Variants in DNAJC3 observed in about 807,000 individuals in gnomAD.
DNAJC3 encodes the protein dnaJ homolog subfamily C member 3.
Under a neutral mutation model 68.6 loss-of-function variants are expected in DNAJC3, and 38 were observed. The observed-to-expected ratio is 0.55, with a 90% CI of 0.43 to 0.73. The LOEUF (loss-of-function observed/expected upper bound fraction) is 0.73, where lower values mean the gene tolerates loss of function less well. Among genes scored for constraint, DNAJC3 ranks in the 30% least tolerant of loss-of-function variants. The pLI, the probability that DNAJC3 is intolerant of heterozygous loss-of-function variation, is 0.00. For synonymous variants in DNAJC3, 203 were observed against 204.0 expected, an observed-to-expected ratio of 1.00 and a Z score of 0.04; for missense variants, 526 against 591.9, an observed-to-expected ratio of 0.89 and a Z score of 1.16.
chr13:95,691,139 G>T (rs1880240639), intron 1 of DNAJC3, among the ~76,000 whole-genome samples: 1 of 150,052 alleles, frequency 6.7e-6, no homozygotes, highest in Non-Finnish European at 1.5e-5. Flanking sequence ...TGGCCGGGCA[G>T]GGGGCTGACC....
At position 95,787,162 on chromosome 13, in the gene DNAJC3, T is replaced by G. The variant is rs925281679; in HGVS notation, c.1357+7T>G. 1.2e-6 allele frequency: 2 copies of G among 1,607,830 alleles called. No homozygotes were observed. The highest frequency in any genetic ancestry group is 3.4e-5 in the Admixed American group (2 of 58,370). On this transcript the variant is annotated splice_region_variant and intron_variant, in intron 11 of 11. Transcript: ENST00000602402. ...GAAGTCCTCTCTGATCCAGGTATTA[T>G]TAGCTTTTATTCCTTTGACTCATCC...
intron 2 of DNAJC3, among the ~76,000 whole-genome samples, chr13:95,714,982 A>G (rs1881091412): frequency 1.3e-5 from 2 of 152,190 alleles, no homozygotes; most frequent in African/African-American, 2.4e-5. Context: ...CAAAATTCCC[A>G]GTAAAATGTT....
chr13:95,736,137 T>A (rs1008773335), intron 4 of DNAJC3, among the ~76,000 whole-genome samples: 2 of 152,142 alleles, frequency 1.3e-5, no homozygotes, highest in African/African-American at 4.8e-5. Context: ...GTTGTAGATA[T>A]GCGGCGTTAT....
intron 9 of DNAJC3, 65 bp from the exon 10 acceptor site, chr13:95,785,873 CA>C (rs916935154): frequency 1.4e-6 from 2 of 1,433,176 alleles, no homozygotes; most frequent in Non-Finnish European, 1.9e-6. Flanking sequence ...ATCAATTTTA[CA>C]GGATAAGAAA....
intron 2 of DNAJC3, among the ~76,000 whole-genome samples, chr13:95,711,626 T>G (rs1037635037): frequency 6.6e-6 from 1 of 152,098 alleles, no homozygotes; most frequent in Admixed American, 6.6e-5. Flanking sequence ...GAGAAAGCCA[T>G]TCCACGCAAA....
intron 1 of DNAJC3, among the ~76,000 whole-genome samples, chr13:95,701,221 G>A (rs989037315): frequency 6.6e-6 from 1 of 152,118 alleles, no homozygotes; most frequent in Non-Finnish European, 1.5e-5. Flanking sequence ...CTTAGGTCAC[G>A]CTACCCCAAA....
intron 1 of DNAJC3, among the ~76,000 whole-genome samples, chr13:95,682,470 C>T (rs1362604795): frequency 1.3e-5 from 2 of 152,160 alleles, no homozygotes; most frequent in East Asian, 3.9e-4. Flanking sequence ...CTTTAACCCC[C>T]CACCTTTAAG....
intron 4 of DNAJC3, among the ~76,000 whole-genome samples, chr13:95,738,024 C>G (rs1209484631): frequency 7.3e-6 from 1 of 137,784 alleles, no homozygotes; most frequent in Non-Finnish European, 1.6e-5. Context: ...TATGTTGTGT[C>G]TTTGTTCTCG....
intron 4 of DNAJC3, among the ~76,000 whole-genome samples, chr13:95,731,233 T>A (rs1415655418): frequency 1.3e-5 from 2 of 152,214 alleles, no homozygotes; most frequent in African/African-American, 4.8e-5. Context: ...GATCATGTCA[T>A]CTGCAAAGTG....
Position 95,792,283 on chromosome 13 carries a change from T to C in DNAJC3, c.*1253T>C, listed in dbSNP as rs905076046. On this transcript the variant is annotated 3_prime_UTR_variant, in exon 12 of 12. Coordinates refer to ENST00000602402, the MANE Select transcript of DNAJC3 (RefSeq NM_006260.5). ...TCAGTCTTTGTATACTGAATGCTTT[T>C]TCCCTAAAAAATGTTAATCAAGAAT... The C allele has an allele frequency of 6.6e-6, 1 of 152,264 alleles. No homozygotes were observed. The highest frequency in any genetic ancestry group is 1.5e-5 in the Non-Finnish European group (1 of 68,048). 9.4% of individuals were successfully genotyped at this position (152,264 alleles called of 1,614,324 possible).
At chr13:95,779,423 C>T (rs1012872929) in intron 9 of DNAJC3, among the ~76,000 whole-genome samples, 2 of 152,220 alleles carry the variant, frequency 1.3e-5, no homozygotes, top group East Asian at 3.9e-4. Context: ...CGCGCCCGGC[C>T]TAATATTTTC....
At chr13:95,764,375 C>CTATATATATA (rs61150940) in intron 9 of DNAJC3, among the ~76,000 whole-genome samples, 3 of 124,022 alleles carry the variant, frequency 2.4e-5, no homozygotes, top group African/African-American at 9.7e-5. Flanking sequence ...CTCTCTCTCT[C>CTATATATATA]TATATATATA....
At chr13:95,748,655 A>C (rs927057044) in intron 4 of DNAJC3, among the ~76,000 whole-genome samples, 5 of 152,208 alleles carry the variant, frequency 3.3e-5, no homozygotes, top group Non-Finnish European at 7.3e-5. Context: ...GTCTCCACTA[A>C]AAACACAAAA....
intron 4 of DNAJC3, among the ~76,000 whole-genome samples, chr13:95,746,051 A>G (rs907447738): frequency 6.6e-6 from 1 of 152,198 alleles, no homozygotes; most frequent in Non-Finnish European, 1.5e-5. Context: ...AACTTGCTCA[A>G]GATTACACCA....
chr13:95,780,049 G>A (rs1315146473), intron 9 of DNAJC3, among the ~76,000 whole-genome samples: 1 of 152,030 alleles, frequency 6.6e-6, no homozygotes, highest in African/African-American at 2.4e-5. Flanking sequence ...CTGGGGCCAG[G>A]GCAGCCTTCT....
At chr13:95,719,781 A>C (rs1881260428) in intron 2 of DNAJC3, among the ~76,000 whole-genome samples, 1 of 152,218 alleles carries the variant, frequency 6.6e-6, no homozygotes, top group Non-Finnish European at 1.5e-5. Context: ...CACTCCAGAA[A>C]TATTGTATGT....
At chr13:95,759,983 A>C in intron 5 of DNAJC3, 57 bp from the exon 6 acceptor site, 1 of 1,465,626 alleles carries the variant, frequency 6.8e-7, no homozygotes, top group Non-Finnish European at 9.1e-7. Flanking sequence ...CGTGGAATGC[A>C]ACAATGAATG....
intron 4 of DNAJC3, among the ~76,000 whole-genome samples, chr13:95,738,109 C>T (rs1019800622): frequency 6.0e-4 from 90 of 149,494 alleles, no homozygotes; most frequent in African/African-American, 2.0e-3. Context: ...GCAGGTTGTT[C>T]GGTTTCCATG....
Position 95,702,223 on chromosome 13 carries a change from C to T in DNAJC3, c.83-7004C>T, listed in dbSNP as rs965099207. Among the ~76,000 whole-genome samples, 7 of 152,142 alleles carry T rather than the reference C, an allele frequency of 4.6e-5. No homozygotes were observed. In the East Asian group the frequency reaches 9.6e-4, roughly 21 times the overall value. On this transcript the variant is annotated intron_variant, in intron 1 of 11. Coordinates refer to ENST00000602402, the MANE Select transcript of DNAJC3 (RefSeq NM_006260.5). ...ACCTCTAAGCATGATGAGAACATTA[C>T]CAGCAGTTCCCTCCTGCCTCTTCCC...
Sources: allele counts gnomAD v4.1 joint callset (sites outside exome capture counted in the v4.1 genomes callset), GRCh38; gene constraint gnomAD v4.1.1; transcripts MANE v1.5; gene names NCBI Gene and HGNC (gene_info 2026-07-23, HGNC 2026-07-21).